Variants in WDR7 observed in about 807,000 individuals in gnomAD.
WDR7 encodes WD repeat domain 7.
A neutral mutation model predicts 169.4 loss-of-function variants in WDR7; 46 were observed. The ratio of observed to expected loss-of-function variants is 0.27; its 90% CI spans 0.21 to 0.35. The LOEUF (loss-of-function observed/expected upper bound fraction) is 0.35, where lower values mean the gene tolerates loss of function less well. Among genes scored for constraint, WDR7 ranks in the 10% least tolerant of loss-of-function variants. The probability of loss-of-function intolerance (pLI) is 1.00; values close to 1 mark genes in which losing one functional copy is unlikely to be tolerated. For missense variants in WDR7, 1,534 were observed against 1,859.3 expected (o/e 0.83, Z 3.22); for synonymous variants, 612 against 666.8 (o/e 0.92, Z 1.27).
rs887703984 is a variant in WDR7, at chr18:56,706,555, A to G, written c.1578+10093A>G. Among the ~76,000 whole-genome samples, 9 of 152,336 alleles carry G rather than the reference A, an allele frequency of 5.9e-5. No homozygotes were observed. The South Asian group carries it at 1.4e-3, about 25-fold the overall frequency. ...CTTGGCCTGTAATGAGAGCTCATTGAATCATCATTATTGTTGCTATTATTT... is the reference window on the plus strand; with the variant it reads ...CTTGGCCTGTAATGAGAGCTCATTGGATCATCATTATTGTTGCTATTATTT... On this transcript the variant is annotated intron_variant, in intron 12 of 27. Coordinates refer to ENST00000254442, the MANE Select transcript of WDR7 (RefSeq NM_015285.3).
At chr18:56,752,552 C>T (rs1320578728) in intron 14 of WDR7, among the ~76,000 whole-genome samples, 1 of 152,142 alleles carries the variant, frequency 6.6e-6, no homozygotes, top group Non-Finnish European at 1.5e-5. Context: ...TTGGTTCCCT[C>T]AATACCCTGC....
chr18:56,662,497 G>A (rs866601634), intron 1 of WDR7, among the ~76,000 whole-genome samples: 13 of 152,184 alleles, frequency 8.5e-5, no homozygotes, highest in South Asian at 6.2e-4. Context: ...AAGTAATCTG[G>A]TAGTCACCAT....
intron 1 of WDR7, among the ~76,000 whole-genome samples, chr18:56,654,323 A>G (rs1354679225): frequency 6.6e-6 from 1 of 152,012 alleles, no homozygotes; most frequent in Non-Finnish European, 1.5e-5. Flanking sequence ...GAAGAGACGG[A>G]GTTTCACTAT....
intron 21 of WDR7, among the ~76,000 whole-genome samples, chr18:56,907,380 G>A (rs1453172961): frequency 2.6e-5 from 4 of 152,040 alleles, no homozygotes; most frequent in Admixed American, 6.6e-5. Context: ...ACTTCTTATG[G>A]ATGCCTTCTA....
intron 26 of WDR7, among the ~76,000 whole-genome samples, chr18:56,978,321 A>G (rs1374570039): frequency 2.0e-5 from 3 of 152,224 alleles, no homozygotes; most frequent in South Asian, 2.1e-4. Flanking sequence ...AAACCTGTCA[A>G]TGTCCCCCAA....
At chr18:56,916,982 G>C (rs1334701833) in intron 21 of WDR7, among the ~76,000 whole-genome samples, 2 of 152,150 alleles carry the variant, frequency 1.3e-5, no homozygotes, top group African/African-American at 4.8e-5. Flanking sequence ...CGGATCATGA[G>C]GTTAGGAGTT....
intron 1 of WDR7, 57 bp from the exon 2 acceptor site, chr18:56,672,440 A>G: frequency 1.5e-6 from 2 of 1,344,648 alleles, no homozygotes; most frequent in Non-Finnish European, 2.0e-6. Context: ...ACAAAAATAT[A>G]TAACATGTTT....
intron 20 of WDR7, among the ~76,000 whole-genome samples, chr18:56,878,315 G>T (rs1256184760): frequency 1.3e-5 from 2 of 152,054 alleles, no homozygotes; most frequent in African/African-American, 2.4e-5. Flanking sequence ...GTGCCATACT[G>T]GATGAAATAA....
chr18:56,841,028 T>TAA (rs2045477462), intron 20 of WDR7, among the ~76,000 whole-genome samples: 1 of 151,520 alleles, frequency 6.6e-6, no homozygotes, highest in Non-Finnish European at 1.5e-5. Context: ...CCATCTCTAC[T>TAA]AAAAATACAA....
chr18:56,680,723 A>G (rs1276006856), intron 3 of WDR7, among the ~76,000 whole-genome samples: 1 of 152,244 alleles, frequency 6.6e-6, no homozygotes, highest in Admixed American at 6.5e-5. Context: ...ATAAAATTAC[A>G]ATACATACAG....
chr18:56,841,789 G>A (rs2045490491), intron 20 of WDR7, among the ~76,000 whole-genome samples: 1 of 151,986 alleles, frequency 6.6e-6, no homozygotes, highest in Admixed American at 6.6e-5. Flanking sequence ...AGAGTGTAAT[G>A]TCATGGTTAA....
At chr18:56,894,964 G>T (rs2046310584) in intron 21 of WDR7, among the ~76,000 whole-genome samples, 1 of 151,962 alleles carries the variant, frequency 6.6e-6, no homozygotes, top group South Asian at 2.1e-4. Context: ...TTAAAATTCA[G>T]TATCTTTTCC....
intron 17 of WDR7, among the ~76,000 whole-genome samples, chr18:56,777,093 C>T (rs2044252960): frequency 6.6e-6 from 1 of 152,162 alleles, no homozygotes; most frequent in South Asian, 2.1e-4. Context: ...TTTCTATAAT[C>T]TAGACTACTG....
At chr18:56,760,532 A>G (rs1011204245) in intron 16 of WDR7, among the ~76,000 whole-genome samples, 5 of 152,200 alleles carry the variant, frequency 3.3e-5, no homozygotes, top group African/African-American at 7.2e-5. Flanking sequence ...ATTGCTGTGT[A>G]GTATTCTGTT....
intron 12 of WDR7, among the ~76,000 whole-genome samples, chr18:56,711,031 A>T (rs7229337): frequency 0.038 from 5,717 of 151,374 alleles, 310 homozygotes; most frequent in African/African-American, 0.12. Flanking sequence ...TTTTTTTTTT[A>T]AAAGACATTT....
chr18:56,955,366 G>A (rs1364957474), intron 25 of WDR7, among the ~76,000 whole-genome samples: 1 of 151,960 alleles, frequency 6.6e-6, no homozygotes, highest in African/African-American at 2.4e-5. Flanking sequence ...TATAACAGGA[G>A]GAATATTTAA....
chr18:56,998,042 T>C (rs773701848), intron 26 of WDR7, among the ~76,000 whole-genome samples: 2 of 152,188 alleles, frequency 1.3e-5, no homozygotes, highest in African/African-American at 2.4e-5. Flanking sequence ...TTTCTTTATG[T>C]TCTGTGCAAA....
intron 2 of WDR7, 74 bp downstream of exon 2, chr18:56,672,748 A>T (rs1259005705): frequency 3.0e-6 from 4 of 1,335,552 alleles, no homozygotes; most frequent in Non-Finnish European, 2.9e-6. Context: ...TAGTCCCCAA[A>T]TGATGCTTTT....
At chr18:56,730,658 C>G (rs893034777) in intron 13 of WDR7, among the ~76,000 whole-genome samples, 1 of 151,910 alleles carries the variant, frequency 6.6e-6, no homozygotes, top group African/African-American at 2.4e-5. Context: ...CCCAGCTACT[C>G]GGGAGGCTGA....
Sources: allele counts gnomAD v4.1 joint callset (sites outside exome capture counted in the v4.1 genomes callset), GRCh38; gene constraint gnomAD v4.1.1; transcripts MANE v1.5; gene names NCBI Gene and HGNC (gene_info 2026-07-23, HGNC 2026-07-21).